Variants in RBPJ observed in about 807,000 individuals in gnomAD.
RBPJ encodes recombining binding protein suppressor of hairless.
A neutral mutation model predicts 67.8 loss-of-function variants in RBPJ; 9 were observed. That is an observed-to-expected ratio of 0.13 (90% CI 0.08 to 0.23). RBPJ has a LOEUF of 0.23. Among genes scored for constraint, RBPJ ranks in the 10% least tolerant of loss-of-function variants. The probability of loss-of-function intolerance (pLI) is 1.00; values close to 1 mark genes in which losing one functional copy is unlikely to be tolerated. For synonymous variants in RBPJ, 198 were observed against 203.3 expected, an observed-to-expected ratio of 0.97 and a Z score of 0.22; for missense variants, 305 against 595.6, an observed-to-expected ratio of 0.51 and a Z score of 5.08.
At chr4:26,342,283 A>AAG (rs58547222) in intron 1 of RBPJ, among the ~76,000 whole-genome samples, 1 of 149,808 alleles carries the variant, frequency 6.7e-6, no homozygotes, top group Non-Finnish European at 1.5e-5. Flanking sequence ...AAAAAAAAAA[A>AAG]GGGAATGTGG....
intron 1 of RBPJ, among the ~76,000 whole-genome samples, chr4:26,297,628 G>A (rs1187207858): frequency 6.6e-6 from 1 of 151,816 alleles, no homozygotes; most frequent in Non-Finnish European, 1.5e-5. Context: ...AGACACCCTG[G>A]TTTAGTCTAT....
the RBPJ span, among the ~76,000 whole-genome samples, chr4:26,155,191 A>G: frequency 3.9e-5 from 6 of 152,234 alleles, no homozygotes; most frequent in Non-Finnish European, 7.3e-5. Flanking sequence ...ACCATTACTT[A>G]TTACATGAAA....
intron 1 of RBPJ, among the ~76,000 whole-genome samples, chr4:26,325,531 ATC>A (rs1723535722): frequency 6.6e-6 from 1 of 152,230 alleles, no homozygotes; most frequent in Admixed American, 6.5e-5. Context: ...TGACAAGTTA[ATC>A]TCTTTATCAA....
intron 1 of RBPJ, among the ~76,000 whole-genome samples, chr4:26,171,997 C>T (rs1243959898): frequency 6.6e-6 from 1 of 152,196 alleles, no homozygotes; most frequent in Non-Finnish European, 1.5e-5. Context: ...TCCAAGGCTG[C>T]CTGCTAAGCT....
chr4:26,394,803 C>A (rs1364559484), intron 2 of RBPJ, among the ~76,000 whole-genome samples: 3 of 152,214 alleles, frequency 2.0e-5, no homozygotes, highest in Non-Finnish European at 2.9e-5. Context: ...AGAACGTAAT[C>A]TTAACCTTCT....
chr4:26,362,587 TA>T (rs1177126426), intron 1 of RBPJ: 15 of 1,613,770 alleles, frequency 9.3e-6, no homozygotes, highest in Non-Finnish European at 1.2e-5. Flanking sequence ...AGCTGTGACT[TA>T]CCTTAACATG....
the RBPJ span, among the ~76,000 whole-genome samples, chr4:26,157,018 G>C: frequency 1.3e-5 from 2 of 150,804 alleles, no homozygotes; most frequent in Non-Finnish European, 1.5e-5. Context: ...TGAGGCTGTG[G>C]TGTGCCAGGT....
chr4:26,192,854 C>T, intron 1 of RBPJ, among the ~76,000 whole-genome samples: 1 of 152,184 alleles, frequency 6.6e-6, no homozygotes, highest in Non-Finnish European at 1.5e-5. Flanking sequence ...CCAGAACCTG[C>T]AAATACGTCA....
intron 1 of RBPJ, among the ~76,000 whole-genome samples, chr4:26,172,741 A>G (rs1451912220): frequency 6.6e-6 from 1 of 152,210 alleles, no homozygotes; most frequent in African/African-American, 2.4e-5. Context: ...GAGAAGTGTT[A>G]TAAAAGCACT....
chr4:26,169,188 C>T (rs1395685355), intron 1 of RBPJ, among the ~76,000 whole-genome samples: 1 of 151,968 alleles, frequency 6.6e-6, no homozygotes, highest in Non-Finnish European at 1.5e-5. Context: ...TGTTTTTTCC[C>T]CATCTTTGTG....
At chr4:26,113,714 C>A in the RBPJ span, 1 of 288,516 alleles carries the variant, frequency 3.5e-6, no homozygotes, top group South Asian at 4.4e-5. Context: ...CATTGTCCAT[C>A]AAAGAACTCA....
chr4:26,382,930 G>A (rs890567317), intron 1 of RBPJ, among the ~76,000 whole-genome samples: 1 of 152,150 alleles, frequency 6.6e-6, no homozygotes, highest in African/African-American at 2.4e-5. Context: ...AATATATACA[G>A]TAACCATTAG....
chr4:26,386,454 T>G, intron 2 of RBPJ, 63 bp downstream of exon 2: 1 of 1,070,674 alleles, frequency 9.3e-7, no homozygotes, highest in Non-Finnish European at 1.4e-6. Context: ...TCTTATTGTT[T>G]TAGATATTAT....
intron 1 of RBPJ, among the ~76,000 whole-genome samples, chr4:26,298,064 G>T (rs755694700): frequency 1.3e-5 from 2 of 152,012 alleles, no homozygotes; most frequent in Admixed American, 6.6e-5. Flanking sequence ...TCCATGAAAC[G>T]GATTAATGTT....
chr4:26,239,511 G>A (rs1166660495), intron 1 of RBPJ, among the ~76,000 whole-genome samples: 1 of 152,206 alleles, frequency 6.6e-6, no homozygotes, highest in Non-Finnish European at 1.5e-5. Context: ...TGCTGTGACT[G>A]CTAACAGGGT....
chr4:26,117,051 T>C, the RBPJ span, among the ~76,000 whole-genome samples: 7 of 152,344 alleles, frequency 4.6e-5, no homozygotes, highest in African/African-American at 1.7e-4. Context: ...GGAAAAGTCA[T>C]ATAGGTTGGC....
intron 1 of RBPJ, among the ~76,000 whole-genome samples, chr4:26,235,184 T>G (rs1224986592): frequency 6.6e-6 from 1 of 152,224 alleles, no homozygotes; most frequent in Non-Finnish European, 1.5e-5. Context: ...TTATTAGTGC[T>G]GAAAAAATTC....
chr4:26,367,504 T>A (rs764790008), intron 1 of RBPJ, among the ~76,000 whole-genome samples: 10 of 152,174 alleles, frequency 6.6e-5, no homozygotes, highest in Non-Finnish European at 1.5e-4. Flanking sequence ...TCAGTTTCAC[T>A]TTTTATATGT....
intron 1 of RBPJ, among the ~76,000 whole-genome samples, chr4:26,310,763 G>A (rs1490392389): frequency 6.7e-6 from 1 of 150,146 alleles, no homozygotes; most frequent in Non-Finnish European, 1.5e-5. Flanking sequence ...TCCGCCTCCC[G>A]GGCTCAAGTG....
Sources: gnomAD v4.1 joint callset for allele counts (sites outside exome capture counted in the v4.1 genomes callset) on GRCh38, gnomAD v4.1.1 for gene constraint, MANE v1.5 for transcripts, NCBI Gene and HGNC (gene_info 2026-07-23, HGNC 2026-07-21) for gene names.